TUBB6: variants seen among roughly 807,000 people sequenced by gnomAD.
The protein encoded by TUBB6 is tubulin beta-6 chain.
TUBB6 carries 18 observed loss-of-function variants against 32.3 expected under a neutral mutation model. That is an observed-to-expected ratio of 0.56 (90% confidence interval 0.39 to 0.83). TUBB6 has a LOEUF of 0.83. Ranked by LOEUF, TUBB6 falls within the 40% of genes least tolerant of loss-of-function variation. The pLI, the probability that TUBB6 is intolerant of heterozygous loss-of-function variation, is 0.00. For missense variants in TUBB6, 480 were observed against 632.0 expected, an observed-to-expected ratio of 0.76 and a Z score of 2.58; for synonymous variants, 280 against 265.8, an observed-to-expected ratio of 1.05 and a Z score of -0.52.
intron 2 of TUBB6, among the ~76,000 whole-genome samples, chr18:12,310,314 C>T (rs538447267): frequency 6.6e-6 from 1 of 150,632 alleles, no homozygotes; most frequent in African/African-American, 2.5e-5. Flanking sequence ...ACGGTGAAAC[C>T]CCATCTCTAC....
intron 2 of TUBB6, among the ~76,000 whole-genome samples, chr18:12,309,342 G>T (rs987854269): frequency 6.7e-6 from 1 of 150,206 alleles, no homozygotes; most frequent in Non-Finnish European, 1.5e-5. Flanking sequence ...GACAGAGCGA[G>T]ACCCTGTTAG....
chr18:12,324,735 G>T (rs2143043388), intron 3 of TUBB6: 2 of 1,247,378 alleles, frequency 1.6e-6, no homozygotes, highest in South Asian at 7.4e-5. Flanking sequence ...ACAGGCATGA[G>T]CCACGGCGCC....
intron 3 of TUBB6, among the ~76,000 whole-genome samples, chr18:12,318,415 T>C (rs1259594162): frequency 6.7e-6 from 1 of 148,374 alleles, no homozygotes; most frequent in Non-Finnish European, 1.5e-5. Context: ...AGTCACATAC[T>C]AGATGCTGTC....
At position 12,325,772 on chromosome 18, in the gene TUBB6, A is replaced by C; in HGVS notation, c.983A>C (p.Glu328Ala). 1 of 1,614,202 alleles carries C rather than the reference A, an allele frequency of 6.2e-7. No individual in the cohort carries two copies. Among genetic ancestry groups the C allele is most frequent in the Non-Finnish European group, 8.5e-7 (1 of 1,180,042 alleles). ...CCCATGTCCATGAAGGAGGTGGACG[A>C]GCAGATGCTGGCCATCCAGAGTAAG... Reference protein sequence around the residue: ...RGPMSMKEVDEQMLAIQSKNS... With the variant: ...RGPMSMKEVDAQMLAIQSKNS... Residue 328 changes from glutamate (E) to alanine (A), a missense_variant, in exon 4 of 4, where the codon GAG becomes GCG. Glu to Ala is a moderately radical substitution (Grantham distance 107). Transcript: ENST00000317702.
At chr18:12,323,655 A>G (rs887222396) in intron 3 of TUBB6, among the ~76,000 whole-genome samples, 1 of 151,974 alleles carries the variant, frequency 6.6e-6, no homozygotes, top group African/African-American at 2.4e-5. Context: ...AAAAATACAA[A>G]AAATTAGCCA....
In TUBB6 at chr18:12,316,772, A is replaced by G. The variant is rs184627263; in HGVS notation, c.277+5719A>G. On this transcript the variant is annotated intron_variant, in intron 3 of 3. Transcript: ENST00000317702. ...GATCCATCCTCACTGGCTTTATACC[A>G]TATTGTTCCAGTTAGAGTTGGTAAA... is the stretch of plus-strand genomic sequence containing the variant. 3.3e-5 allele frequency among the ~76,000 whole-genome samples: 5 copies of G among 152,330 alleles called. No individual in the cohort carries two copies. The East Asian group carries it at 7.7e-4, about 23-fold the overall frequency.
chr18:12,321,598 C>A lies in TUBB6; in HGVS notation c.278-3469C>A, dbSNP rs148857746. 2.9e-3 allele frequency among the ~76,000 whole-genome samples: 439 copies of A among 152,270 alleles called. 2 individuals are homozygous for A. The highest frequency in any genetic ancestry group is 0.01 in the African/African-American group (423 of 41,558). ...GGTGAGTGCAGCATCAGGGATGGAC[C>A]TGCCCACGTGAAACCAGAGAGGCTG... is the stretch of plus-strand genomic sequence containing the variant. On this transcript the variant is annotated intron_variant, in intron 3 of 3. Coordinates refer to ENST00000317702, the MANE Select transcript of TUBB6 (RefSeq NM_032525.3).
chr18:12,309,249 T>A (rs1906211866), intron 2 of TUBB6, among the ~76,000 whole-genome samples: 1 of 142,856 alleles, frequency 7.0e-6, no homozygotes, highest in East Asian at 2.2e-4. Context: ...CCCACCCCTG[T>A]AGTACCAGTT....
In TUBB6 at chr18:12,311,065, CT is replaced by C; in HGVS notation, c.277+15del. Reference sequence around the variant, plus strand: ...CAACTTCATCTTTGGTAGGTTCCATCTTTCTCACTTTCTTCTTCTTCTTTTA... The same window carrying C: ...CAACTTCATCTTTGGTAGGTTCCATCTTCTCACTTTCTTCTTCTTCTTTTA... On this transcript the variant is annotated intron_variant, in intron 3 of 3. Coordinates refer to ENST00000317702, the MANE Select transcript of TUBB6 (RefSeq NM_032525.3). The C allele has an allele frequency of 1.9e-6, 3 of 1,581,396 alleles. No homozygotes were observed. Among genetic ancestry groups the C allele is most frequent in the Non-Finnish European group, 1.7e-6 (2 of 1,153,844 alleles).
chr18:12,329,462 G>A, downstream of TUBB6: 1 of 1,245,064 alleles, frequency 8.0e-7, no homozygotes, highest in Non-Finnish European at 1.2e-6. Flanking sequence ...CCAGTGGCTG[G>A]CTAAAATCAG....
intron 3 of TUBB6, among the ~76,000 whole-genome samples, chr18:12,318,666 T>C (rs1015249912): frequency 6.6e-6 from 1 of 152,158 alleles, no homozygotes; most frequent in African/African-American, 2.4e-5. Context: ...AGGCTGATGC[T>C]GCAGACAAGT....
intron 3 of TUBB6, chr18:12,324,750 C>A (rs963349204): frequency 7.9e-7 from 1 of 1,261,038 alleles, no homozygotes; most frequent in African/African-American, 1.5e-5. Flanking sequence ...GGCGCCCGGC[C>A]AGTAACTTAT....
Position 12,325,956 on chromosome 18 carries a change from C to T in TUBB6, c.1167C>T (p.Phe389=), listed in dbSNP as rs1469465439. The T allele has an allele frequency of 2.5e-6, 4 of 1,614,074 alleles. No homozygotes were observed. The South Asian group carries it at 3.3e-5, about 13-fold the overall frequency. ...KRISEQFSAM[F]RRKAFLHWFT... Reference sequence around the variant, plus strand: ...TCTCCGAGCAGTTCTCAGCCATGTTCCGGCGCAAGGCCTTCCTGCACTGGT... The same window carrying T: ...TCTCCGAGCAGTTCTCAGCCATGTTTCGGCGCAAGGCCTTCCTGCACTGGT... Residue 389 remains phenylalanine, a synonymous_variant, in exon 4 of 4, where the codon TTC becomes TTT. Coordinates refer to ENST00000317702, the MANE Select transcript of TUBB6 (RefSeq NM_032525.3).
chr18:12,326,855 C>A (rs1453391616), downstream of TUBB6, among the ~76,000 whole-genome samples: 1 of 152,186 alleles, frequency 6.6e-6, no homozygotes, highest in Non-Finnish European at 1.5e-5. Flanking sequence ...TAGGGTTCCC[C>A]AACCTTGTAG....
chr18:12,312,999 CAAAAAAAAA>C, intron 3 of TUBB6, among the ~76,000 whole-genome samples: 1 of 106,558 alleles, frequency 9.4e-6, no homozygotes, highest in East Asian at 3.0e-4. Flanking sequence ...AATTCTATCT[CAAAAAAAAA>C]AAAAAAAAGA....
Position 12,308,789 on chromosome 18 carries a change from T to C in TUBB6, c.160T>C (p.Ser54Pro). ...LERINVYYNE[S>P]SSQKYVPRAA... ...GAGAATCAACGTCTACTACAATGAG[T>C]CATCGTGTGAGTAGCAAGGCCGCCG... The change falls in exon 2 of 4, where the codon TCA (serine) becomes CCA (proline). Residue 54 changes from serine (S) to proline (P), a missense_variant. By Grantham distance (74) the Ser-to-Pro change is moderately conservative. Coordinates refer to ENST00000317702, the MANE Select transcript of TUBB6 (RefSeq NM_032525.3). The C allele has an allele frequency of 1.2e-6, 2 of 1,601,300 alleles. No homozygotes were observed.
intron 3 of TUBB6, among the ~76,000 whole-genome samples, chr18:12,315,220 G>GTT (rs1906608421): frequency 5.3e-5 from 8 of 152,062 alleles, no homozygotes; most frequent in Admixed American, 5.2e-4. Context: ...GCTCCATAAT[G>GTT]TGTAATTAAT....
rs529924358 is a variant in TUBB6 at position 12,318,913 on chromosome 18, G to C, written c.278-6154G>C. On this transcript the variant is annotated intron_variant, in intron 3 of 3. Transcript: ENST00000317702. ...AGGATTGCAGGTGTGAGCTCCCATA[G>C]CTGGTCTTATACAAAAAAAAGTGTT... 8.5e-5 allele frequency among the ~76,000 whole-genome samples: 13 copies of C among 152,092 alleles called. No individual in the cohort carries two copies. In the South Asian group the frequency reaches 2.5e-3, roughly 29 times the overall value.
At chr18:12,317,704 G>A (rs532176997) in intron 3 of TUBB6, among the ~76,000 whole-genome samples, 54 of 152,272 alleles carry the variant, frequency 3.5e-4, no homozygotes, top group African/African-American at 1.3e-3. Context: ...AACCAGAGGG[G>A]GGACTCAGAG....
Sources: gnomAD v4.1 joint callset for allele counts (sites outside exome capture counted in the v4.1 genomes callset) on GRCh38, gnomAD v4.1.1 for gene constraint, MANE v1.5 for transcripts, NCBI Gene and HGNC (gene_info 2026-07-23, HGNC 2026-07-21) for gene names.